The following FABP12 variants were observed in gnomAD, a reference collection of about 807,000 sequenced individuals.
FABP12 encodes fatty acid binding protein 12, also known as fatty acid-binding protein 12.
FABP12 carries 19 observed loss-of-function variants against 13.7 expected under a neutral mutation model. The observed-to-expected ratio is 1.39, with a 90% confidence interval of 0.97 to 2.04. The LOEUF (loss-of-function observed/expected upper bound fraction) is 2.04. FABP12 is among the 30% of genes most tolerant of loss of function. FABP12 has a pLI of 0.00. For synonymous variants in FABP12, 61 were observed against 57.0 expected, an observed-to-expected ratio of 1.07 and a Z score of -0.32; for missense variants, 182 against 164.2, an observed-to-expected ratio of 1.11 and a Z score of -0.59.
intron 2 of FABP12, among the ~76,000 whole-genome samples, chr8:81,530,480 C>A: frequency 6.6e-6 from 1 of 152,096 alleles, no homozygotes; most frequent in Non-Finnish European, 1.5e-5. Flanking sequence ...GGAGTATTTT[C>A]AGTAGAAATA....
intron 4 of FABP12, among the ~76,000 whole-genome samples, chr8:81,525,571 AG>A (rs938852827): frequency 1.3e-5 from 2 of 152,108 alleles, no homozygotes; most frequent in Non-Finnish European, 2.9e-5. Flanking sequence ...ATAGATAGAT[AG>A]ATAGATCTAT....
chr8:81,586,430 C>G (rs1810240399), intron 1 of FABP12, among the ~76,000 whole-genome samples: 1 of 152,202 alleles, frequency 6.6e-6, no homozygotes, highest in Non-Finnish European at 1.5e-5. Flanking sequence ...CTGCTTTCCA[C>G]AATGGCTGAA....
rs1809955369 is a variant in FABP12, at chr8:81,572,628, AT to A, written c.-185+17424del. On this transcript the variant is annotated intron_variant, in intron 1 of 5. Coordinates refer to the FABP12 transcript ENST00000692030. ...CCATACCAACATCTACTGTTTTTTG[AT>A]TTTTTGATTATGGCCATTATTGCAG... Among the ~76,000 whole-genome samples, 3 of 151,692 alleles carry A rather than the reference AT, an allele frequency of 2.0e-5. No homozygotes were observed. The South Asian group carries it at 6.2e-4, about 32-fold the overall frequency.
At chr8:81,533,519 A>G (rs1809139470) in intron 1 of FABP12, among the ~76,000 whole-genome samples, 1 of 152,132 alleles carries the variant, frequency 6.6e-6, no homozygotes, top group African/African-American at 2.4e-5. Flanking sequence ...TCCACATGAA[A>G]TAGGGAACAG....
intron 1 of FABP12, among the ~76,000 whole-genome samples, chr8:81,587,920 G>T (rs1346236969): frequency 6.6e-6 from 1 of 152,158 alleles, no homozygotes; most frequent in East Asian, 1.9e-4. Flanking sequence ...AGCCGACAGT[G>T]CAGCCTTCAG....
At chr8:81,550,222 G>C (rs1405559569) in intron 1 of FABP12, among the ~76,000 whole-genome samples, 1 of 152,112 alleles carries the variant, frequency 6.6e-6, no homozygotes, top group Non-Finnish European at 1.5e-5. Flanking sequence ...ATACAATATT[G>C]ATCAAGACAA....
intron 1 of FABP12, among the ~76,000 whole-genome samples, chr8:81,578,922 G>A (rs1355925203): frequency 3.8e-5 from 5 of 131,104 alleles, no homozygotes; most frequent in South Asian, 2.6e-4. Context: ...CCTCCCTCCC[G>A]GGTTCACGCC....
At chr8:81,540,523 C>A (rs1040002721) in intron 1 of FABP12, among the ~76,000 whole-genome samples, 3 of 152,160 alleles carry the variant, frequency 2.0e-5, no homozygotes, top group African/African-American at 7.2e-5. Flanking sequence ...TATATGAAGA[C>A]AAAATTGAGG....
At chr8:81,575,277 G>C (rs1429930531) in intron 1 of FABP12, among the ~76,000 whole-genome samples, 1 of 152,082 alleles carries the variant, frequency 6.6e-6, no homozygotes, top group Non-Finnish European at 1.5e-5. Flanking sequence ...GGTTCCTTTT[G>C]GAGTTGATTT....
At chr8:81,543,696 T>C (rs920897015) in intron 1 of FABP12, among the ~76,000 whole-genome samples, 4 of 152,180 alleles carry the variant, frequency 2.6e-5, no homozygotes, top group African/African-American at 4.8e-5. Context: ...ATGGTGAGGT[T>C]AGGAGTAAGT....
upstream of FABP12, among the ~76,000 whole-genome samples, chr8:81,538,218 C>G (rs934589792): frequency 6.6e-6 from 1 of 152,098 alleles, no homozygotes; most frequent in Non-Finnish European, 1.5e-5. Context: ...GGAGGATCTG[C>G]CCCCACGACC....
At chr8:81,564,260 T>C (rs1375950254) in intron 1 of FABP12, among the ~76,000 whole-genome samples, 2 of 152,164 alleles carry the variant, frequency 1.3e-5, no homozygotes, top group Non-Finnish European at 2.9e-5. Flanking sequence ...ACCACACCTG[T>C]TCTATAAGAA....
chr8:81,571,886 A>G (rs1809937971), intron 1 of FABP12, among the ~76,000 whole-genome samples: 1 of 152,222 alleles, frequency 6.6e-6, no homozygotes, highest in Non-Finnish European at 1.5e-5. Context: ...CTATCATAAC[A>G]TCCTTCCAGA....
intron 1 of FABP12, among the ~76,000 whole-genome samples, chr8:81,587,246 T>C (rs1000634599): frequency 2.6e-5 from 4 of 152,224 alleles, no homozygotes; most frequent in Non-Finnish European, 5.9e-5. Context: ...AGGTTCGTTC[T>C]TTTTCTTTAG....
chr8:81,569,379 C>T (rs1021659185), intron 1 of FABP12, among the ~76,000 whole-genome samples: 7 of 152,206 alleles, frequency 4.6e-5, no homozygotes, highest in Admixed American at 4.6e-4. Flanking sequence ...ATTGTAGCCA[C>T]ATTAAACAAT....
At chr8:81,525,525 A>T (rs1808872845) in intron 4 of FABP12, among the ~76,000 whole-genome samples, 1 of 150,446 alleles carries the variant, frequency 6.6e-6, no homozygotes, top group African/African-American at 2.5e-5. Flanking sequence ...CAAAAAAAAA[A>T]AAAAATAGAT....
At chr8:81,588,151 A>T (rs561039700) in intron 1 of FABP12, among the ~76,000 whole-genome samples, 1 of 152,210 alleles carries the variant, frequency 6.6e-6, no homozygotes, top group Non-Finnish European at 1.5e-5. Flanking sequence ...GCAAATGTTA[A>T]TCTCCTTTGG....
At chr8:81,570,171 G>A (rs1167575189) in intron 1 of FABP12, among the ~76,000 whole-genome samples, 2 of 152,218 alleles carry the variant, frequency 1.3e-5, no homozygotes, top group Non-Finnish European at 2.9e-5. Flanking sequence ...CCAGAAGCTT[G>A]GAGATGCCAA....
At chr8:81,576,250 GA>G (rs1810043040) in intron 1 of FABP12, among the ~76,000 whole-genome samples, 1 of 152,036 alleles carries the variant, frequency 6.6e-6, no homozygotes, top group Non-Finnish European at 1.5e-5. Context: ...ACATTTATGA[GA>G]TTAGCATTTA....
Sources: allele counts gnomAD v4.1 joint callset (sites outside exome capture counted in the v4.1 genomes callset), GRCh38; gene constraint gnomAD v4.1.1; transcripts MANE v1.5; gene names NCBI Gene and HGNC (gene_info 2026-07-23, HGNC 2026-07-21).